Variants in CPAMD8 observed in about 807,000 individuals in gnomAD.
CPAMD8 encodes the protein C3 and PZP like alpha-2-macroglobulin domain containing 8.
CPAMD8 carries 146 observed loss-of-function variants against 224.7 expected under a neutral mutation model. The observed-to-expected ratio is 0.65, with a 90% CI of 0.57 to 0.75. The LOEUF is 0.75. Ranked by LOEUF, CPAMD8 falls within the 30% of genes least tolerant of loss-of-function variation. The probability of loss-of-function intolerance (pLI) is 0.00; values close to 1 mark genes in which losing one functional copy is unlikely to be tolerated. For synonymous variants in CPAMD8, 966 were observed against 1,044.6 expected, an observed-to-expected ratio of 0.92 and a Z score of 1.45; for missense variants, 2,301 against 2,537.5, an observed-to-expected ratio of 0.91 and a Z score of 2.00.
At chr19:16,931,671 T>A (rs926450085) in intron 23 of CPAMD8, among the ~76,000 whole-genome samples, 15 of 152,176 alleles carry the variant, frequency 9.9e-5, no homozygotes, top group African/African-American at 3.6e-4. Flanking sequence ...CAGTGTAGAA[T>A]GCCCTGGTGC....
At chr19:16,987,152 CAAAAAAAAAAAAA>C (rs1214757739) in intron 13 of CPAMD8, among the ~76,000 whole-genome samples, 14 of 23,002 alleles carry the variant, frequency 6.1e-4, no homozygotes, top group African/African-American at 8.0e-4. Flanking sequence ...GAGACTCTGT[CAAAAAAAAAAAAA>C]AAAAAAAAAA....
intron 35 of CPAMD8, among the ~76,000 whole-genome samples, 171 bp downstream of exon 35, chr19:16,902,478 T>C (rs543252005): frequency 9.2e-5 from 14 of 151,948 alleles, no homozygotes; most frequent in African/African-American, 3.4e-4. Context: ...GATCGCACCA[T>C]TGCACTCCAG....
At chr19:16,909,379 C>T (rs190545600) in intron 29 of CPAMD8, among the ~76,000 whole-genome samples, 1 of 152,164 alleles carries the variant, frequency 6.6e-6, no homozygotes, top group Admixed American at 6.5e-5. Flanking sequence ...CCCATCTCTA[C>T]TAAAAATACA....
At chr19:16,902,953 G>A (rs1356521472) in intron 34 of CPAMD8, 90 bp from the exon 35 acceptor site, 4 of 706,684 alleles carry the variant, frequency 5.7e-6, no homozygotes, top group Non-Finnish European at 9.6e-6. Context: ...GGGGAGGTGG[G>A]AACAGCCAGA....
chr19:16,983,088 G>A (rs917846861), intron 13 of CPAMD8, among the ~76,000 whole-genome samples: 2 of 152,128 alleles, frequency 1.3e-5, no homozygotes, highest in African/African-American at 4.8e-5. Context: ...CCCCAGCCAC[G>A]TGGAACTGTG....
intron 26 of CPAMD8, among the ~76,000 whole-genome samples, 197 bp from the exon 27 acceptor site, chr19:16,922,183 C>T (rs1599706570): frequency 6.6e-6 from 1 of 152,164 alleles, no homozygotes; most frequent in African/African-American, 2.4e-5. Context: ...CCTGAAACTG[C>T]CCCATACCAC....
At position 16,897,793 on chromosome 19, in the gene CPAMD8, C is replaced by A; in HGVS notation, c.4963G>T (p.Ala1655Ser). The A allele has an allele frequency of 6.3e-7, 1 of 1,583,870 alleles. No homozygotes were observed. The highest frequency in any genetic ancestry group is 2.3e-5 in the East Asian group (1 of 44,034). Residue 1655 changes from alanine (A) to serine (S), a missense_variant, in exon 39 of 42, where the codon GCC becomes TCC. Ala to Ser is a moderately conservative substitution (Grantham distance 99). Coordinates refer to ENST00000443236, the MANE Select transcript of CPAMD8 (RefSeq NM_015692.5). ...VYDYYEPAFE[A>S]TRFYNVSTHS... ...GTGCTGACGTTGTAGAAGCGAGTGG[C>A]CTCGAAGGCTACGGGACGAGGGTGG...
At chr19:16,930,039 G>A (rs905510246) in intron 23 of CPAMD8, among the ~76,000 whole-genome samples, 2 of 152,136 alleles carry the variant, frequency 1.3e-5, no homozygotes, top group Non-Finnish European at 2.9e-5. Flanking sequence ...TGGACCACCT[G>A]AGATCAGGAG....
intron 20 of CPAMD8, among the ~76,000 whole-genome samples, chr19:16,949,053 G>T (rs188714729): frequency 1.7e-3 from 243 of 141,928 alleles, no homozygotes; most frequent in Non-Finnish European, 2.7e-3. Flanking sequence ...AGGACGGGAG[G>T]GGGGGAGGGA....
At chr19:17,009,190 G>A in intron 6 of CPAMD8, 113 bp downstream of exon 6, 1 of 1,579,904 alleles carries the variant, frequency 6.3e-7, no homozygotes, top group Non-Finnish European at 8.7e-7. Flanking sequence ...AGCCTTGTAA[G>A]GCACAGCGGC....
chr19:17,011,668 G>T lies in CPAMD8; in HGVS notation c.357C>A (p.Thr119=), dbSNP rs781227132. ...AEEGPLFHNQ[T]SVTVDGRGAS... ...CGCCCCGGCCGTCCACGGTCACCGA[G>T]GTCTGGTTGTGAAAGAGGGGCCCCT... Residue 119 remains threonine, a synonymous_variant, in exon 4 of 42, where the codon ACC becomes ACA. Coordinates refer to ENST00000443236, the MANE Select transcript of CPAMD8 (RefSeq NM_015692.5). The T allele has an allele frequency of 6.2e-7, 1 of 1,613,964 alleles. No individual in the cohort carries two copies. The highest frequency in any genetic ancestry group is 1.3e-5 in the African/African-American group (1 of 74,926).
intron 13 of CPAMD8, among the ~76,000 whole-genome samples, chr19:16,985,617 T>C (rs1017511277): frequency 6.9e-6 from 1 of 144,032 alleles, no homozygotes; most frequent in Non-Finnish European, 1.5e-5. Context: ...GGATGATGGA[T>C]GGATGAAGGG....
At position 16,947,134 on chromosome 19, in the gene CPAMD8, C is replaced by T. The variant is rs1219238266; in HGVS notation, c.2602G>A (p.Glu868Lys). ...AGAACGACCCAGATGGGCTCAGCCT[C>T]CCCGGGGGCCACACACATCTTCTTG... ...VTKKMCVAPG[E>K]AEPIWVVLSF... The change falls in exon 21 of 42, where the codon GAG (glutamate) becomes AAG (lysine). Residue 868 changes from glutamate (E) to lysine (K), a missense_variant. By Grantham distance (56) the Glu-to-Lys change is moderately conservative. This residue lies in a region of CPAMD8 where 1,709 missense variants were observed against 1,753.2 expected (regional missense o/e 0.97). Transcript: ENST00000443236. 1.2e-6 allele frequency: 2 copies of T among 1,613,540 alleles called. No homozygotes were observed. Among genetic ancestry groups the T allele is most frequent in the East Asian group, 2.2e-5 (1 of 44,856 alleles).
At chr19:16,927,782 G>A (rs961769185) in intron 25 of CPAMD8, among the ~76,000 whole-genome samples, 1 of 152,208 alleles carries the variant, frequency 6.6e-6, no homozygotes, top group African/African-American at 2.4e-5. Flanking sequence ...CCTGGACTAG[G>A]AGTCCCTCAA....
In CPAMD8 at chr19:17,008,505, C is replaced by A; in HGVS notation, c.559G>T (p.Gly187Cys). 1 of 1,612,760 alleles carries A rather than the reference C, an allele frequency of 6.2e-7. No homozygotes were observed. The change falls in exon 7 of 42, where the codon GGC becomes TGC. Residue 187 changes from glycine to cysteine, a missense_variant and splice_region_variant. By Grantham distance (159) the Gly-to-Cys change is radical. Around this residue, in one of 4 missense-constraint regions of CPAMD8, gnomAD observed 283 missense variants for 340.6 expected, o/e 0.83. Coordinates refer to ENST00000443236, the MANE Select transcript of CPAMD8 (RefSeq NM_015692.5). Reference protein sequence around the residue: ...EWRHLKPFCCGITNMSFPLSD... With the variant: ...EWRHLKPFCCCITNMSFPLSD... The stretch of plus-strand genomic sequence containing the variant: ...CCAAGCCGCAGAGGAAGAAACTTAC[C>A]GCAGCAGAACGGCTTTAAGTGTCTC...
Position 16,896,265 on chromosome 19 carries a change from C to G in CPAMD8, c.5337G>C (p.Pro1779=), listed in dbSNP as rs768349427. 63 of 1,613,304 alleles carry G rather than the reference C, an allele frequency of 3.9e-5. No individual in the cohort carries two copies. The highest frequency in any genetic ancestry group is 5.2e-5 in the Non-Finnish European group (61 of 1,180,000). Residue 1779 remains proline (P), a synonymous_variant, in exon 41 of 42, where the codon CCG becomes CCC. Transcript: ENST00000443236. The part of the protein sequence containing the change: ...TYGDDLASVA[P]GPLQQDVKLN... ...GCTTCACGTCCTGCTGTAAAGGCCCCGGGGCCACAGAAGCCAGGTCATCCC... is the reference window on the plus strand; with the variant it reads ...GCTTCACGTCCTGCTGTAAAGGCCCGGGGGCCACAGAAGCCAGGTCATCCC...
At chr19:16,901,071 G>T in intron 36 of CPAMD8, 139 bp downstream of exon 36, 1 of 595,172 alleles carries the variant, frequency 1.7e-6, no homozygotes, top group South Asian at 2.2e-5. Context: ...AAGGGGGAGG[G>T]GGAGAGGGAG....
At chr19:16,896,700 C>T in intron 39 of CPAMD8, 35 bp from the exon 40 acceptor site, 1 of 1,342,612 alleles carries the variant, frequency 7.4e-7, no homozygotes, top group Non-Finnish European at 9.6e-7. Flanking sequence ...GACCCCCCAC[C>T]CTGAACCTTG....
At chr19:16,978,611 G>A (rs897242548) in intron 14 of CPAMD8, among the ~76,000 whole-genome samples, 1 of 152,172 alleles carries the variant, frequency 6.6e-6, no homozygotes, top group African/African-American at 2.4e-5. Context: ...TGGAGGGGAT[G>A]CTACTGGCTT....
Sources: gnomAD v4.1 joint callset for allele counts (sites outside exome capture counted in the v4.1 genomes callset) on GRCh38, gnomAD v4.1.1 for gene constraint, gnomAD v4.1.1 regional missense constraint, MANE v1.5 for transcripts, NCBI Gene and HGNC (gene_info 2026-07-23, HGNC 2026-07-21) for gene names.